Variants in CROT observed in about 807,000 individuals in gnomAD.
CROT encodes the protein carnitine O-octanoyltransferase.
A neutral mutation model predicts 89.2 loss-of-function variants in CROT; 84 were observed. That is an observed-to-expected ratio of 0.94 (90% CI 0.79 to 1.13). The LOEUF (loss-of-function observed/expected upper bound fraction) is 1.13, where lower values mean the gene tolerates loss of function less well. Among genes scored for constraint, CROT ranks in the 50% most tolerant of loss-of-function variants. The pLI is 0.00. For missense variants in CROT, 711 were observed against 727.8 expected, an observed-to-expected ratio of 0.98 and a Z score of 0.27; for synonymous variants, 212 against 239.5, an observed-to-expected ratio of 0.89 and a Z score of 1.06.
In CROT at chr7:87,397,243, TG is replaced by T. The variant is rs551440647; in HGVS notation, c.1719-1278del. On this transcript the variant is annotated intron_variant, in intron 17 of 17. Transcript: ENST00000331536. ...GCACACACCTGTAGTCTGAGTTACT[TG>T]GGAACCTGAGGCACGAGAATTGCTT... Among the ~76,000 whole-genome samples the T allele has an allele frequency of 4.0e-3, 606 of 151,914 alleles. 5 individuals are homozygous for T. The highest frequency in any genetic ancestry group is 5.3e-3 in the Non-Finnish European group (360 of 67,968).
chr7:87,384,052 G>T (rs971674558), intron 13 of CROT, among the ~76,000 whole-genome samples: 8 of 151,904 alleles, frequency 5.3e-5, no homozygotes, highest in African/African-American at 1.7e-4. Flanking sequence ...ATGTATGAGG[G>T]TTCCCTTTTC....
At chr7:87,352,648 G>C (rs1805905293) in intron 3 of CROT, among the ~76,000 whole-genome samples, 1 of 152,122 alleles carries the variant, frequency 6.6e-6, no homozygotes, top group South Asian at 2.1e-4. Context: ...CCCACAACAA[G>C]CCCTTACAAT....
intron 7 of CROT, chr7:87,369,804 A>G (rs897484012): frequency 6.7e-6 from 1 of 149,860 alleles, no homozygotes; most frequent in Non-Finnish European, 1.5e-5. Flanking sequence ...TTACATGTAT[A>G]CCTAGCTTAA....
intron 9 of CROT, among the ~76,000 whole-genome samples, 194 bp downstream of exon 9, chr7:87,376,147 A>G (rs1490701096): frequency 1.3e-5 from 2 of 152,080 alleles, no homozygotes; most frequent in African/African-American, 4.8e-5. Context: ...ACATTGTTTA[A>G]GTTTGTTTAG....
intron 13 of CROT, among the ~76,000 whole-genome samples, chr7:87,385,932 A>T (rs1254173252): frequency 6.6e-6 from 1 of 152,202 alleles, no homozygotes; most frequent in Non-Finnish European, 1.5e-5. Context: ...CATCTATTGA[A>T]ATGATTATAG....
chr7:87,359,773 A>ATGTATAT, intron 4 of CROT: 1 of 995,784 alleles, frequency 1.0e-6, no homozygotes, highest in South Asian at 4.5e-5. Context: ...GAGAATGGTT[A>ATGTATAT]TGTATATTGT....
chr7:87,394,078 C>T (rs907923832), intron 17 of CROT, among the ~76,000 whole-genome samples: 2 of 152,092 alleles, frequency 1.3e-5, no homozygotes, highest in African/African-American at 4.8e-5. Context: ...CCCTTACAGA[C>T]TTTATATGGT....
intron 3 of CROT, among the ~76,000 whole-genome samples, chr7:87,352,176 G>T (rs1322114760): frequency 1.3e-5 from 2 of 152,192 alleles, no homozygotes; most frequent in Non-Finnish European, 1.5e-5. Flanking sequence ...GCCAAGAAGA[G>T]GGTCCATTTT....
At chr7:87,392,429 G>A (rs540492006) in intron 14 of CROT, 137 bp from the exon 15 acceptor site, 354 of 686,234 alleles carry the variant, frequency 5.2e-4, no homozygotes, top group Non-Finnish European at 7.9e-4. Context: ...AAAGATATAG[G>A]AGTATGTGTT....
chr7:87,382,571 C>A lies in CROT; in HGVS notation c.1301+28C>A, dbSNP rs769943429. On this transcript the variant is annotated intron_variant, in intron 13 of 17. Coordinates refer to ENST00000331536, the MANE Select transcript of CROT (RefSeq NM_021151.4). ...AAGGACCATTCAGTTTCTATTTTCA[C>A]AGTCTTGAAGTCCAAGGGTATATCT... The A allele has an allele frequency of 5.0e-6, 8 of 1,600,692 alleles. No individual in the cohort carries two copies. In the Admixed American group the frequency reaches 1.2e-4, roughly 25 times the overall value.
chr7:87,368,490 C>T (rs77649300), intron 6 of CROT, among the ~76,000 whole-genome samples: 4,542 of 152,216 alleles, frequency 0.03, 126 homozygotes, highest in Non-Finnish European at 0.041. Flanking sequence ...ACACATATCT[C>T]ATCCCCTAGG....
At chr7:87,348,709 A>G (rs1215317769) in intron 2 of CROT, among the ~76,000 whole-genome samples, 1 of 152,248 alleles carries the variant, frequency 6.6e-6, no homozygotes, top group Non-Finnish European at 1.5e-5. Flanking sequence ...AAAATTGCAA[A>G]GAATGCCACC....
Position 87,357,060 on chromosome 7 carries a change from G to C in CROT, c.116-2146G>C, listed in dbSNP as rs139330190. Among the ~76,000 whole-genome samples the C allele has an allele frequency of 1.4e-4, 22 of 152,234 alleles. No homozygotes were observed. The East Asian group carries it at 4.3e-3, about 29-fold the overall frequency. On this transcript the variant is annotated intron_variant, in intron 3 of 17. Coordinates refer to ENST00000331536, the MANE Select transcript of CROT (RefSeq NM_021151.4). ...CAAGAACAAATCTTGTAAGTCCTCA[G>C]GTTCCCCATGCTATCCTGAGACATG...
Position 87,349,152 on chromosome 7 carries a change from T to C in CROT, c.84T>C (p.Leu28=). The C allele has an allele frequency of 1.9e-6, 3 of 1,594,496 alleles. No homozygotes were observed. Among genetic ancestry groups the C allele is most frequent in the Non-Finnish European group, 2.6e-6 (3 of 1,166,296 alleles). ...DSLPSLPVPS[L]EESLKKYLES... ...TTCCATCACTGCCTGTTCCTTCACT[T>C]GAAGAATCATTAAAAAAATACCTTG... The change falls in exon 3 of 18, where the codon CTT becomes CTC. Residue 28 remains leucine, a synonymous_variant. Transcript: ENST00000331536.
intron 4 of CROT, 118 bp from the exon 5 acceptor site, chr7:87,361,272 G>A: frequency 9.2e-7 from 1 of 1,084,932 alleles, no homozygotes; most frequent in Non-Finnish European, 1.3e-6. Flanking sequence ...CAAAAAACAT[G>A]TTTTTAAATG....
chr7:87,385,577 A>G (rs1297112408), intron 13 of CROT, among the ~76,000 whole-genome samples: 1 of 152,056 alleles, frequency 6.6e-6, no homozygotes, highest in East Asian at 1.9e-4. Context: ...TTATCACTCT[A>G]ATGGCTGTTT....
intron 7 of CROT, among the ~76,000 whole-genome samples, chr7:87,371,108 T>C (rs1448795170): frequency 6.6e-6 from 1 of 152,228 alleles, no homozygotes; most frequent in East Asian, 1.9e-4. Flanking sequence ...TTTTAATCTT[T>C]ACCATACAGA....
At chr7:87,351,125 G>A (rs1451302439) in intron 3 of CROT, among the ~76,000 whole-genome samples, 3 of 151,642 alleles carry the variant, frequency 2.0e-5, no homozygotes, top group Non-Finnish European at 4.4e-5. Context: ...TGGCTAACAC[G>A]GTGAAACCCC....
At chr7:87,346,854 G>A (rs1805697232) in intron 2 of CROT, among the ~76,000 whole-genome samples, 1 of 152,234 alleles carries the variant, frequency 6.6e-6, no homozygotes, top group Non-Finnish European at 1.5e-5. Flanking sequence ...TAAATGTGAA[G>A]TTTGGGTGGG....
Sources: allele counts gnomAD v4.1 joint callset (sites outside exome capture counted in the v4.1 genomes callset), GRCh38; gene constraint gnomAD v4.1.1; transcripts MANE v1.5; gene names NCBI Gene and HGNC (gene_info 2026-07-23, HGNC 2026-07-21).